Variants in CNTRL observed in about 807,000 individuals in gnomAD.
CNTRL encodes 110 kDa centrosomal protein.
In CNTRL, 233 loss-of-function variants were observed where a neutral mutation model predicts 303.7. That is an observed-to-expected ratio of 0.77 (90% CI 0.69 to 0.86). The LOEUF (loss-of-function observed/expected upper bound fraction) is 0.86, where lower values mean the gene tolerates loss of function less well. CNTRL is among the 40% of genes least tolerant of loss of function. The pLI, the probability that CNTRL is intolerant of heterozygous loss-of-function variation, is 0.00. For missense variants in CNTRL, 2,524 were observed against 2,650.6 expected, an observed-to-expected ratio of 0.95 and a Z score of 1.05; for synonymous variants, 900 against 922.2, an observed-to-expected ratio of 0.98 and a Z score of 0.44.
chr9:121,145,236 T>C lies in CNTRL; in HGVS notation c.3169-8T>C. On this transcript the variant is annotated splice_polypyrimidine_tract_variant and splice_region_variant and intron_variant, in intron 21 of 43. Coordinates refer to ENST00000373855, the MANE Select transcript of CNTRL (RefSeq NM_007018.6). ...TGGCAACTTTGTATGTGTAATTTTT[T>C]TAAATAGTTTCGACTTGAGATGGAG... is the stretch of plus-strand genomic sequence containing the variant. 1 of 1,598,752 alleles carries C rather than the reference T, an allele frequency of 6.3e-7. No individual in the cohort carries two copies. Among genetic ancestry groups the C allele is most frequent in the Non-Finnish European group, 8.5e-7 (1 of 1,175,832 alleles).
chr9:121,162,406 G>T, intron 34 of CNTRL, 135 bp downstream of exon 34: 24 of 702,118 alleles, frequency 3.4e-5, no homozygotes, highest in East Asian at 1.2e-4. Context: ...CATTTTGCCA[G>T]TTGCATTTTT....
At chr9:121,111,644 A>G (rs1382451148) in intron 8 of CNTRL, among the ~76,000 whole-genome samples, 1 of 152,158 alleles carries the variant, frequency 6.6e-6, no homozygotes, top group Non-Finnish European at 1.5e-5. Flanking sequence ...AAATAAACTC[A>G]AAGTTTGGTT....
chr9:121,147,734 T>C (rs2051965150), intron 23 of CNTRL, among the ~76,000 whole-genome samples: 1 of 152,150 alleles, frequency 6.6e-6, no homozygotes, highest in Non-Finnish European at 1.5e-5. Flanking sequence ...GAGAAGCAGC[T>C]CAGACACACT....
At chr9:121,158,630 A>G (rs2052702794) in intron 30 of CNTRL, 2 of 466,114 alleles carry the variant, frequency 4.3e-6, no homozygotes, top group South Asian at 7.7e-5. Flanking sequence ...CATGATTATC[A>G]TATTGTTGTT....
chr9:121,125,685 T>G, intron 13 of CNTRL, 31 bp from the exon 14 acceptor site: 1 of 1,572,470 alleles, frequency 6.4e-7, no homozygotes, highest in Non-Finnish European at 8.7e-7. Context: ...TTTAAAAAGA[T>G]ATATTATTAC....
At chr9:121,168,443 TA>T in intron 38 of CNTRL, 122 bp downstream of exon 38, 2 of 762,944 alleles carry the variant, frequency 2.6e-6, no homozygotes, top group Non-Finnish European at 2.1e-6. Context: ...GCAGGAGAAG[TA>T]AAGCAGGAGG....
At position 121,138,673 on chromosome 9, in the gene CNTRL, C is replaced by T. The variant is rs771784579; in HGVS notation, c.2331C>T (p.His777=). 2 of 1,613,288 alleles carry T rather than the reference C, an allele frequency of 1.2e-6. No homozygotes were observed. The highest frequency in any genetic ancestry group is 3.3e-5 in the Admixed American group (2 of 59,890). ...GTGAGCTCCATGCAAAACTTAAACA[C>T]TTGCAGGTAGAGATTTGTTGTTTTA... The part of the protein sequence containing the change: ...ENSELHAKLK[H]LQDDNNLLKQ... Residue 777 remains histidine, a synonymous_variant, in exon 16 of 44, where the codon CAC becomes CAT. Transcript: ENST00000373855.
At position 121,168,236 on chromosome 9, in the gene CNTRL, G is replaced by A. The variant is rs948719622; in HGVS notation, c.5985G>A (p.Lys1995=). The A allele has an allele frequency of 4.3e-6, 7 of 1,614,186 alleles. No homozygotes were observed. Among genetic ancestry groups the A allele is most frequent in the Non-Finnish European group, 5.9e-6 (7 of 1,180,018 alleles). ...GCAAACTGGACCAAGTGCTCTCAAA[G>A]GTGCTGGCAGCTGAAGAGCGTGTTA... ...QKSKLDQVLS[K]VLAAEERVRT... Residue 1995 remains lysine, a synonymous_variant, in exon 38 of 44, where the codon AAG becomes AAA. Transcript: ENST00000373855.
rs748469866 is a variant in CNTRL, at chr9:121,141,540, T to C, written c.2643T>C (p.Thr881=). 7.4e-6 allele frequency: 12 copies of C among 1,613,930 alleles called. No homozygotes were observed. Among genetic ancestry groups the C allele is most frequent in the Middle Eastern group, 1.6e-4 (1 of 6,082 alleles). The change falls in exon 18 of 44, where the codon ACT becomes ACC. Residue 881 remains threonine, a synonymous_variant. Transcript: ENST00000373855. ...CTCTGCAGCAAGAGAAACTGGCAAC[T>C]GGACAAGAAGAGTTCAGGCAGGCCT... The part of the protein sequence containing the change: ...EMALQQEKLA[T]GQEEFRQACE...
chr9:121,135,908 G>T lies in CNTRL; in HGVS notation c.2128G>T (p.Ala710Ser), dbSNP rs200066272. 1 of 1,613,952 alleles carries T rather than the reference G, an allele frequency of 6.2e-7. No individual in the cohort carries two copies. The highest frequency in any genetic ancestry group is 2.2e-5 in the East Asian group (1 of 44,870). The change falls in exon 15 of 44, where the codon GCT (alanine) becomes TCT (serine). Residue 710 changes from alanine (A) to serine (S), a missense_variant. Transcript: ENST00000373855. ...DLSAYEAELE[A>S]RLNLRDAEAN... ...CAGTGCCTATGAAGCTGAGCTAGAG[G>T]CTCGGCTAAACCTAAGGGATGCTGA...
intron 2 of CNTRL, among the ~76,000 whole-genome samples, chr9:121,081,082 T>C (rs536819005): frequency 6.6e-6 from 1 of 152,322 alleles, no homozygotes; most frequent in African/African-American, 2.4e-5. Context: ...TCCAGATTTC[T>C]CTTGGCCTCT....
At position 121,154,709 on chromosome 9, in the gene CNTRL, A is replaced by G. The variant is rs1395059196; in HGVS notation, c.4173-12A>G. ...TTAACATTTTTTAATGGGTGTATAT[A>G]TTATTTTTTAGGGACTTCATTGATG... On this transcript the variant is annotated splice_polypyrimidine_tract_variant and intron_variant, in intron 26 of 43. Transcript: ENST00000373855. The G allele has an allele frequency of 2.6e-6, 4 of 1,534,688 alleles. No individual in the cohort carries two copies. Among genetic ancestry groups the G allele is most frequent in the Non-Finnish European group, 3.6e-6 (4 of 1,110,414 alleles).
intron 1 of CNTRL, among the ~76,000 whole-genome samples, chr9:121,078,602 C>T (rs1042075293): frequency 6.6e-6 from 1 of 152,172 alleles, no homozygotes; most frequent in Non-Finnish European, 1.5e-5. Context: ...AGCGTCACAT[C>T]CCTAAGGTTG....
chr9:121,143,273 A>G (rs1248073629), intron 19 of CNTRL, among the ~76,000 whole-genome samples: 1 of 152,092 alleles, frequency 6.6e-6, no homozygotes, highest in East Asian at 1.9e-4. Flanking sequence ...ATGTATCTGG[A>G]ATATATGTCC....
intron 2 of CNTRL, among the ~76,000 whole-genome samples, chr9:121,085,633 A>G (rs1187399440): frequency 1.3e-5 from 2 of 152,238 alleles, no homozygotes; most frequent in African/African-American, 2.4e-5. Flanking sequence ...TGTAATAAAC[A>G]GGGAGGATTC....
intron 27 of CNTRL, among the ~76,000 whole-genome samples, chr9:121,155,413 G>A (rs898844589): frequency 6.6e-6 from 1 of 151,968 alleles, no homozygotes; most frequent in African/African-American, 2.4e-5. Flanking sequence ...ATGGTGTCTC[G>A]CTCTGTCACC....
intron 7 of CNTRL, among the ~76,000 whole-genome samples, chr9:121,101,092 C>T (rs1007983899): frequency 1.3e-5 from 2 of 152,206 alleles, no homozygotes; most frequent in Admixed American, 6.5e-5. Flanking sequence ...ATCAACAGAA[C>T]ATACATTCTT....
intron 35 of CNTRL, among the ~76,000 whole-genome samples, chr9:121,165,851 C>T (rs1389172921): frequency 6.6e-6 from 1 of 152,082 alleles, no homozygotes; most frequent in Non-Finnish European, 1.5e-5. Flanking sequence ...TTTTTAAACA[C>T]CTAACATTAA....
At chr9:121,101,490 A>G (rs577531570) in intron 7 of CNTRL, among the ~76,000 whole-genome samples, 11 of 152,360 alleles carry the variant, frequency 7.2e-5, no homozygotes, top group Admixed American at 1.3e-4. Context: ...AATTAAAAGA[A>G]CTAGAGAAGC....
Sources: allele counts gnomAD v4.1 joint callset (sites outside exome capture counted in the v4.1 genomes callset), GRCh38; gene constraint gnomAD v4.1.1; transcripts MANE v1.5; gene names NCBI Gene and HGNC (gene_info 2026-07-23, HGNC 2026-07-21).